Variants in RANBP17 observed in about 807,000 individuals in gnomAD.
RANBP17 encodes ran-binding protein 17.
RANBP17 carries 158 observed loss-of-function variants against 141.2 expected under a neutral mutation model. That is an observed-to-expected ratio of 1.12 (90% CI 0.98 to 1.28). RANBP17 has a LOEUF of 1.28. Among genes scored for constraint, RANBP17 ranks in the 50% most tolerant of loss-of-function variants. The probability of loss-of-function intolerance (pLI) is 0.00; values close to 1 mark genes in which losing one functional copy is unlikely to be tolerated. For synonymous variants in RANBP17, 430 were observed against 450.0 expected, an observed-to-expected ratio of 0.96 and a Z score of 0.56; for missense variants, 1,438 against 1,290.7, an observed-to-expected ratio of 1.11 and a Z score of -1.75.
At chr5:171,274,161 CGCGT>C (rs768115523) in intron 25 of RANBP17, among the ~76,000 whole-genome samples, 4,660 of 142,622 alleles carry the variant, frequency 0.033, 100 homozygotes, top group Admixed American at 0.052. Flanking sequence ...CGCGCGCGCG[CGCGT>C]GCGCAAAATC....
intron 14 of RANBP17, among the ~76,000 whole-genome samples, chr5:171,061,155 G>A (rs1168008548): frequency 3.0e-4 from 45 of 151,578 alleles, no homozygotes; most frequent in East Asian, 1.2e-3. Flanking sequence ...TTGTGTCTCT[G>A]TTTCCTTCAG....
At chr5:171,108,562 A>G (rs1309248307) in intron 14 of RANBP17, among the ~76,000 whole-genome samples, 15 of 152,038 alleles carry the variant, frequency 9.9e-5, no homozygotes, top group Admixed American at 9.2e-4. Context: ...ACAGCCGTGC[A>G]TCACCACGCC....
At chr5:171,137,963 A>ATG (rs916357329) in intron 14 of RANBP17, among the ~76,000 whole-genome samples, 22 of 149,944 alleles carry the variant, frequency 1.5e-4, no homozygotes, top group Non-Finnish European at 2.7e-4. Context: ...ATATATATAT[A>ATG]TATATATACA....
chr5:170,904,835 TCTC>T (rs1028215892), intron 5 of RANBP17, among the ~76,000 whole-genome samples: 8 of 152,140 alleles, frequency 5.3e-5, no homozygotes, highest in African/African-American at 1.4e-4. Context: ...CTATTTAAAT[TCTC>T]CTGATTCTGT....
chr5:170,897,068 A>G, intron 5 of RANBP17: 1 of 846,648 alleles, frequency 1.2e-6, no homozygotes, highest in Admixed American at 1.8e-5. Flanking sequence ...TTCCTTAGAA[A>G]TGTGGATACC....
chr5:171,045,650 A>T (rs138571612), intron 14 of RANBP17, among the ~76,000 whole-genome samples: 2 of 152,302 alleles, frequency 1.3e-5, no homozygotes, highest in East Asian at 3.9e-4. Context: ...GGGAAAAGCA[A>T]AATAGCCTCT....
At chr5:171,199,329 T>C (rs1395952449) in intron 18 of RANBP17, among the ~76,000 whole-genome samples, 1 of 152,076 alleles carries the variant, frequency 6.6e-6, no homozygotes, top group East Asian at 1.9e-4. Context: ...ACACTGCGTC[T>C]CTGAGGCTTT....
At chr5:170,917,766 C>G (rs977526691) in intron 9 of RANBP17, among the ~76,000 whole-genome samples, 1 of 151,982 alleles carries the variant, frequency 6.6e-6, no homozygotes, top group Non-Finnish European at 1.5e-5. Context: ...GATAATATGC[C>G]GATTCCTGAT....
chr5:170,994,381 A>G (rs578207754), intron 14 of RANBP17, among the ~76,000 whole-genome samples: 2 of 152,248 alleles, frequency 1.3e-5, no homozygotes, highest in Admixed American at 1.3e-4. Context: ...AGGAGAATCC[A>G]AGATACTTGT....
At chr5:171,284,861 A>G (rs1176584038) in intron 25 of RANBP17, among the ~76,000 whole-genome samples, 1 of 152,112 alleles carries the variant, frequency 6.6e-6, no homozygotes, top group East Asian at 1.9e-4. Flanking sequence ...CCAGAACCTA[A>G]TCAGTATTGT....
At position 171,152,506 on chromosome 5, in the gene RANBP17, C is replaced by T. The variant is rs77696599; in HGVS notation, c.1711-17624C>T. 2.8e-3 allele frequency among the ~76,000 whole-genome samples: 430 copies of T among 152,004 alleles called. 15 individuals are homozygous for T. The East Asian group carries it at 0.066, about 23-fold the overall frequency. On this transcript the variant is annotated intron_variant, in intron 14 of 27. Coordinates refer to ENST00000523189, the MANE Select transcript of RANBP17 (RefSeq NM_022897.5). ...ACAATGTAGTCAGACAAATCTTAAACGTCACTCTTGTCCTAGGGTTCTTCC... is the reference window on the plus strand; with the variant it reads ...ACAATGTAGTCAGACAAATCTTAAATGTCACTCTTGTCCTAGGGTTCTTCC...
At chr5:171,231,574 TGA>T (rs776138981) in intron 22 of RANBP17, among the ~76,000 whole-genome samples, 1 of 152,236 alleles carries the variant, frequency 6.6e-6, no homozygotes, top group African/African-American at 2.4e-5. Flanking sequence ...TGCATCTGAC[TGA>T]GAGACTAGAA....
At chr5:170,890,159 C>G (rs1769478558) in intron 3 of RANBP17, among the ~76,000 whole-genome samples, 1 of 152,120 alleles carries the variant, frequency 6.6e-6, no homozygotes, top group Non-Finnish European at 1.5e-5. Context: ...GTGGTCACTA[C>G]TACCCACATA....
chr5:171,231,100 CTTTT>C (rs367751794), intron 22 of RANBP17, among the ~76,000 whole-genome samples: 1 of 120,052 alleles, frequency 8.3e-6, no homozygotes, highest in East Asian at 2.4e-4. Flanking sequence ...CCATGCCTGG[CTTTT>C]TTTTTTTTTT....
chr5:171,272,975 T>G (rs1767218972), intron 25 of RANBP17, among the ~76,000 whole-genome samples: 1 of 152,180 alleles, frequency 6.6e-6, no homozygotes, highest in Non-Finnish European at 1.5e-5. Flanking sequence ...AGGTATATAA[T>G]TTAGTAGGAC....
chr5:171,205,473 T>A (rs1762523901), intron 19 of RANBP17, 51 bp from the exon 20 acceptor site: 2 of 1,443,064 alleles, frequency 1.4e-6, no homozygotes, highest in Non-Finnish European at 1.9e-6. Flanking sequence ...TTACTCCATC[T>A]GCTCTGCGCT....
intron 25 of RANBP17, among the ~76,000 whole-genome samples, chr5:171,277,669 T>TATATATATATA (rs1767604663): frequency 3.9e-4 from 12 of 31,054 alleles, no homozygotes; most frequent in Admixed American, 7.8e-4. Flanking sequence ...ATATATATAT[T>TATATATATATA]TATGTCTTAC....
intron 12 of RANBP17, among the ~76,000 whole-genome samples, chr5:170,941,133 C>A (rs935399530): frequency 1.3e-5 from 2 of 151,544 alleles, no homozygotes; most frequent in African/African-American, 4.9e-5. Flanking sequence ...GATTTATTGA[C>A]CAAAAAGCTT....
At chr5:171,242,055 C>T (rs1337121632) in intron 23 of RANBP17, among the ~76,000 whole-genome samples, 1 of 151,270 alleles carries the variant, frequency 6.6e-6, no homozygotes, top group Non-Finnish European at 1.5e-5. Flanking sequence ...GACTCCTGGG[C>T]TTAAGCAATT....
Sources: allele counts gnomAD v4.1 joint callset (sites outside exome capture counted in the v4.1 genomes callset), GRCh38; gene constraint gnomAD v4.1.1; transcripts MANE v1.5; gene names NCBI Gene and HGNC (gene_info 2026-07-23, HGNC 2026-07-21).